The following CFAP61 variants were observed in gnomAD, a reference collection of about 807,000 sequenced individuals.
The protein encoded by CFAP61 is cilia and flagella associated protein 61.
Under a neutral mutation model 135.6 loss-of-function variants are expected in CFAP61, and 107 were observed. The observed-to-expected ratio is 0.79, with a 90% CI of 0.67 to 0.93. CFAP61 has a LOEUF of 0.93. Ranked by LOEUF, CFAP61 falls within the 40% of genes least tolerant of loss-of-function variation. The pLI, the probability that CFAP61 is intolerant of heterozygous loss-of-function variation, is 0.00. For synonymous variants in CFAP61, 575 were observed against 578.5 expected (o/e 0.99, Z 0.09); for missense variants, 1,507 against 1,556.2 (o/e 0.97, Z 0.53).
rs397865640 is a variant in CFAP61 at position 20,262,804 on chromosome 20, GTT to G, written c.2329-139_2329-138del. ...AGGTGCTCTTTCCACCTGTTTTTGTGTTTTTTTTTTTTTTCAATTAAAATCTG... is the reference window on the plus strand; with the variant it reads ...AGGTGCTCTTTCCACCTGTTTTTGTGTTTTTTTTTTTTCAATTAAAATCTG... On this transcript the variant is annotated intron_variant, in intron 20 of 26. Transcript: ENST00000245957. 7.9e-3 allele frequency: 1,137 copies of G among 143,246 alleles called. 5 individuals are homozygous for G. The highest frequency in any genetic ancestry group is 0.033 in the African/African-American group (412 of 12,658). The allele number at this position is 143,246 out of a possible 1,614,324, so 8.9% of individuals were successfully genotyped here. A position where few individuals can be genotyped will look rare whatever the true frequency, so the allele number is the denominator to read the frequency against.
At chr20:20,275,108 C>G (rs1377238409) in intron 21 of CFAP61, among the ~76,000 whole-genome samples, 2 of 152,108 alleles carry the variant, frequency 1.3e-5, no homozygotes, top group Admixed American at 6.5e-5. Flanking sequence ...GTGCCTGGGC[C>G]CTTGTGCTTG....
chr20:20,244,896 A>C (rs972982064), intron 18 of CFAP61, among the ~76,000 whole-genome samples: 2 of 152,198 alleles, frequency 1.3e-5, no homozygotes, highest in Non-Finnish European at 2.9e-5. Context: ...ACCCTAAATT[A>C]TCTCTCTCAA....
At chr20:20,293,242 G>A (rs557591226) in intron 24 of CFAP61, among the ~76,000 whole-genome samples, 1 of 152,312 alleles carries the variant, frequency 6.6e-6, no homozygotes, top group Non-Finnish European at 1.5e-5. Flanking sequence ...TCTAAATAAA[G>A]TCAGAGGAGG....
rs780819236 is a variant in CFAP61, at chr20:20,159,456, C to T, written c.1026+12C>T. The stretch of plus-strand genomic sequence containing the variant: ...TTAGTGAACCGGAGGTAGGGTTTGA[C>T]GAGGGCCTTTGCGTGCCTTCTAGCC... On this transcript the variant is annotated intron_variant, in intron 10 of 26. Transcript: ENST00000245957. 3.7e-6 allele frequency: 6 copies of T among 1,612,620 alleles called. No individual in the cohort carries two copies. The highest frequency in any genetic ancestry group is 2.2e-5 in the East Asian group (1 of 44,870).
At chr20:20,279,610 GA>G (rs561414336) in intron 22 of CFAP61, among the ~76,000 whole-genome samples, 16 of 152,054 alleles carry the variant, frequency 1.1e-4, no homozygotes, top group East Asian at 3.9e-4. Context: ...GGCAGAGGCA[GA>G]AAAAAAATCT....
At chr20:20,156,862 A>G (rs2052952676) in intron 9 of CFAP61, among the ~76,000 whole-genome samples, 1 of 152,188 alleles carries the variant, frequency 6.6e-6, no homozygotes, top group Admixed American at 6.5e-5. Context: ...ACCTAAATAC[A>G]TGGAGAGATA....
At chr20:20,142,548 C>T (rs563148748) in intron 8 of CFAP61, among the ~76,000 whole-genome samples, 6 of 152,302 alleles carry the variant, frequency 3.9e-5, no homozygotes, top group African/African-American at 1.4e-4. Context: ...TGAGGGCCTC[C>T]TGTGGCCCAG....
intron 25 of CFAP61, among the ~76,000 whole-genome samples, chr20:20,340,598 G>A (rs2058405067): frequency 6.6e-6 from 1 of 152,124 alleles, no homozygotes; most frequent in South Asian, 2.1e-4. Flanking sequence ...CAGGGAGCAT[G>A]GCCCGAGAGC....
intron 8 of CFAP61, among the ~76,000 whole-genome samples, chr20:20,135,545 T>G (rs1321300182): frequency 6.6e-6 from 1 of 152,222 alleles, no homozygotes; most frequent in African/African-American, 2.4e-5. Flanking sequence ...TTTTTAGATT[T>G]GAGGGATGAG....
At chr20:20,304,925 G>A (rs2056376090) in intron 25 of CFAP61, among the ~76,000 whole-genome samples, 1 of 152,134 alleles carries the variant, frequency 6.6e-6, no homozygotes, top group African/African-American at 2.4e-5. Context: ...CTCGCCTACA[G>A]AATCTCTCCC....
intron 17 of CFAP61, among the ~76,000 whole-genome samples, chr20:20,204,204 C>G (rs1478414617): frequency 1.3e-5 from 2 of 152,156 alleles, no homozygotes; most frequent in Non-Finnish European, 1.5e-5. Context: ...CCTTCCTGAG[C>G]AATCATACTT....
At chr20:20,253,701 A>C in intron 20 of CFAP61, 1 of 369,168 alleles carries the variant, frequency 2.7e-6, no homozygotes, top group East Asian at 7.9e-5. Flanking sequence ...CTGTCAAGTG[A>C]CATCTTTCAG....
At chr20:20,334,207 A>G (rs1602064365) in intron 25 of CFAP61, among the ~76,000 whole-genome samples, 2 of 152,122 alleles carry the variant, frequency 1.3e-5, no homozygotes, top group Admixed American at 1.3e-4. Context: ...GCTCACTGCA[A>G]CCTCTGCCTC....
chr20:20,294,892 C>T (rs1244865331), intron 24 of CFAP61, among the ~76,000 whole-genome samples: 2 of 150,506 alleles, frequency 1.3e-5, no homozygotes, highest in African/African-American at 4.9e-5. Flanking sequence ...TGCGCCACTG[C>T]AGTCCGCAGT....
intron 2 of CFAP61, among the ~76,000 whole-genome samples, chr20:20,064,551 G>A (rs958114818): frequency 2.0e-5 from 3 of 152,126 alleles, no homozygotes; most frequent in Non-Finnish European, 4.4e-5. Context: ...GGATCTGCTG[G>A]ACAGTTCCTG....
chr20:20,213,891 G>A (rs1007755905), intron 17 of CFAP61, among the ~76,000 whole-genome samples: 5 of 151,702 alleles, frequency 3.3e-5, no homozygotes, highest in Non-Finnish European at 5.9e-5. Context: ...TTTTCGCCAT[G>A]GTGTGCAATC....
intron 7 of CFAP61, among the ~76,000 whole-genome samples, chr20:20,091,231 A>G (rs895217157): frequency 6.6e-6 from 1 of 152,162 alleles, no homozygotes; most frequent in Non-Finnish European, 1.5e-5. Context: ...GTGAGAGGGA[A>G]TGGAAAAGAC....
intron 21 of CFAP61, among the ~76,000 whole-genome samples, chr20:20,269,514 G>A (rs142648005): frequency 2.3e-3 from 343 of 152,072 alleles, no homozygotes; most frequent in African/African-American, 7.1e-3. Context: ...TCAGATTACA[G>A]GCATGCACCA....
chr20:20,131,006 A>G (rs1050465492), intron 8 of CFAP61, among the ~76,000 whole-genome samples: 10 of 151,822 alleles, frequency 6.6e-5, no homozygotes, highest in Non-Finnish European at 1.5e-4. Context: ...GTCCACCTCA[A>G]TATCAGTTTG....
Sources: gnomAD v4.1 joint callset for allele counts (sites outside exome capture counted in the v4.1 genomes callset) on GRCh38, gnomAD v4.1.1 for gene constraint, MANE v1.5 for transcripts, NCBI Gene and HGNC (gene_info 2026-07-23, HGNC 2026-07-21) for gene names.